Variants in L3MBTL4 observed in about 807,000 individuals in gnomAD.
L3MBTL4 encodes L3MBTL histone methyl-lysine binding protein 4.
In L3MBTL4, 70 loss-of-function variants were observed where a neutral mutation model predicts 84.5. The ratio of observed to expected loss-of-function variants is 0.83; its 90% CI spans 0.68 to 1.01. L3MBTL4 has a LOEUF of 1.01. Among genes scored for constraint, L3MBTL4 ranks in the 50% least tolerant of loss-of-function variants. The pLI is 0.00. For synonymous variants in L3MBTL4, 274 were observed against 259.8 expected (o/e 1.05, Z -0.52); for missense variants, 715 against 754.8 (o/e 0.95, Z 0.62).
chr18:6,276,835 G>A lies in L3MBTL4; in HGVS notation c.128-12797C>T, dbSNP rs138407188. ...GCAGTTAGCGGCTCTATAAATTTCCGATGTGGTGACTTATGAGAAATAAGG... is the reference window on the plus strand; with the variant it reads ...GCAGTTAGCGGCTCTATAAATTTCCAATGTGGTGACTTATGAGAAATAAGG... On this transcript the variant is annotated intron_variant, in intron 4 of 18. Coordinates refer to ENST00000317931, the MANE Select transcript of L3MBTL4 (RefSeq NM_001330559.2). Among the ~76,000 whole-genome samples, 586 of 152,114 alleles carry A rather than the reference G, an allele frequency of 3.9e-3. 7 individuals are homozygous for A. The highest frequency in any genetic ancestry group is 0.013 in the African/African-American group (555 of 41,498).
intron 10 of L3MBTL4, among the ~76,000 whole-genome samples, chr18:6,227,459 C>A (rs1406115982): frequency 6.6e-6 from 1 of 152,102 alleles, no homozygotes; most frequent in Non-Finnish European, 1.5e-5. Context: ...ATTAAATTAG[C>A]AAAATTGAAT....
chr18:6,174,057 G>C (rs1348917370), intron 12 of L3MBTL4, among the ~76,000 whole-genome samples: 1 of 150,916 alleles, frequency 6.6e-6, no homozygotes, highest in African/African-American at 2.4e-5. Context: ...AATTACTCAT[G>C]AACAACCCTA....
In L3MBTL4 at chr18:6,080,905, T is replaced by C; in HGVS notation, c.1420A>G (p.Ile474Val). Residue 474 changes from isoleucine (I) to valine (V), a missense_variant, in exon 16 of 19, where the codon ATT (isoleucine) becomes GTT (valine). Transcript: ENST00000317931. ...KCLKIKGKED[I>V]DLDNLFREYS... ...CCTCTGAAGAGATTATCCAAGTCAA[T>C]ATCTTCTTTTCCTTTGATTTTCAAA... 6.2e-7 allele frequency: 1 copy of C among 1,608,524 alleles called. No individual in the cohort carries two copies. Among genetic ancestry groups the C allele is most frequent in the Non-Finnish European group, 8.5e-7 (1 of 1,177,580 alleles).
At chr18:6,292,467 G>A (rs559409353) in intron 4 of L3MBTL4, among the ~76,000 whole-genome samples, 19 of 152,270 alleles carry the variant, frequency 1.2e-4, no homozygotes, top group East Asian at 9.7e-4. Flanking sequence ...GGAATTTGAT[G>A]CTGGATTCCA....
intron 1 of L3MBTL4, among the ~76,000 whole-genome samples, chr18:6,393,935 T>C (rs2055164678): frequency 6.6e-6 from 1 of 152,098 alleles, no homozygotes; most frequent in Non-Finnish European, 1.5e-5. Context: ...CCTCACCACC[T>C]TCCGCTCTCC....
chr18:6,245,185 G>A (rs1450894540), intron 5 of L3MBTL4, among the ~76,000 whole-genome samples: 1 of 152,014 alleles, frequency 6.6e-6, no homozygotes, highest in Non-Finnish European at 1.5e-5. Context: ...AGGCCACCAC[G>A]CCCAGCCCAA....
chr18:6,112,615 T>C (rs2059229469), intron 14 of L3MBTL4, among the ~76,000 whole-genome samples: 1 of 152,198 alleles, frequency 6.6e-6, no homozygotes, highest in Non-Finnish European at 1.5e-5. Flanking sequence ...CTCTGCTCCG[T>C]ATTCAGATTC....
chr18:6,257,340 C>G (rs966914443), intron 5 of L3MBTL4, among the ~76,000 whole-genome samples: 1 of 151,868 alleles, frequency 6.6e-6, no homozygotes, highest in Non-Finnish European at 1.5e-5. Context: ...ACAATTTCAC[C>G]GAGAGACAAA....
At chr18:6,032,328 G>A (rs1453377733) in intron 16 of L3MBTL4, 1 of 979,052 alleles carries the variant, frequency 1.0e-6, no homozygotes, top group African/African-American at 1.8e-5. Flanking sequence ...GTGCAAAAAA[G>A]CTTATGATGT....
chr18:6,324,350 C>T (rs1260942747), intron 1 of L3MBTL4, among the ~76,000 whole-genome samples: 3 of 152,184 alleles, frequency 2.0e-5, no homozygotes, highest in African/African-American at 7.2e-5. Flanking sequence ...GGCCACTGCC[C>T]TCTAGACCCT....
At chr18:6,251,019 G>C (rs1369642353) in intron 5 of L3MBTL4, among the ~76,000 whole-genome samples, 1 of 152,052 alleles carries the variant, frequency 6.6e-6, no homozygotes. Flanking sequence ...TTAACTCTTT[G>C]ACAAAATTTG....
chr18:6,294,750 G>A (rs958265774), intron 4 of L3MBTL4, among the ~76,000 whole-genome samples: 5 of 152,100 alleles, frequency 3.3e-5, no homozygotes, highest in African/African-American at 1.2e-4. Context: ...AGGGTACTCA[G>A]TCCCTTTTCC....
intron 5 of L3MBTL4, among the ~76,000 whole-genome samples, chr18:6,251,098 G>A (rs148897957): frequency 6.6e-6 from 1 of 152,290 alleles, no homozygotes; most frequent in African/African-American, 2.4e-5. Flanking sequence ...TAATTCAAAT[G>A]CTACAGAAGA....
At chr18:6,349,429 C>T (rs560801842) in intron 1 of L3MBTL4, among the ~76,000 whole-genome samples, 1 of 152,272 alleles carries the variant, frequency 6.6e-6, no homozygotes, top group East Asian at 1.9e-4. Context: ...AGAAGCCAAA[C>T]ACGAAAGAAT....
intron 1 of L3MBTL4, among the ~76,000 whole-genome samples, chr18:6,337,157 A>G (rs1408790813): frequency 1.3e-5 from 2 of 152,174 alleles, no homozygotes; most frequent in Non-Finnish European, 2.9e-5. Flanking sequence ...CACAATAAAA[A>G]GACATAAAAT....
At chr18:6,390,103 T>C (rs2054984789) in intron 1 of L3MBTL4, among the ~76,000 whole-genome samples, 2 of 152,134 alleles carry the variant, frequency 1.3e-5, no homozygotes, top group South Asian at 4.1e-4. Context: ...AAGTATCTTT[T>C]CAGACCACAG....
intron 13 of L3MBTL4, among the ~76,000 whole-genome samples, chr18:6,170,411 G>C (rs1376016479): frequency 6.6e-6 from 1 of 152,124 alleles, no homozygotes; most frequent in Non-Finnish European, 1.5e-5. Flanking sequence ...AGAACCAGCA[G>C]GACACTTGGT....
intron 4 of L3MBTL4, among the ~76,000 whole-genome samples, chr18:6,280,573 T>C (rs1012360386): frequency 5.3e-5 from 8 of 152,230 alleles, no homozygotes; most frequent in Admixed American, 5.2e-4. Context: ...AAATGTGTGA[T>C]AGGTAGGATA....
At chr18:6,177,123 T>C (rs2145285192) in intron 12 of L3MBTL4, among the ~76,000 whole-genome samples, 1 of 152,316 alleles carries the variant, frequency 6.6e-6, no homozygotes, top group East Asian at 1.9e-4. Flanking sequence ...CTGTGACTCC[T>C]AGTAATTCCA....
Sources: allele counts gnomAD v4.1 joint callset (sites outside exome capture counted in the v4.1 genomes callset), GRCh38; gene constraint gnomAD v4.1.1; transcripts MANE v1.5; gene names NCBI Gene and HGNC (gene_info 2026-07-23, HGNC 2026-07-21).